CPQ: variants seen among roughly 807,000 people sequenced by gnomAD.
CPQ encodes the protein carboxypeptidase Q.
In CPQ, 37 loss-of-function variants were observed where a neutral mutation model predicts 45.7. That is an observed-to-expected ratio of 0.81 (90% CI 0.62 to 1.07). CPQ has a LOEUF of 1.07. Among genes scored for constraint, CPQ ranks in the 50% least tolerant of loss-of-function variants. CPQ has a pLI of 0.00. For missense variants in CPQ, 537 were observed against 572.9 expected, an observed-to-expected ratio of 0.94 and a Z score of 0.64; for synonymous variants, 186 against 205.8, an observed-to-expected ratio of 0.90 and a Z score of 0.82.
At chr8:97,064,902 G>A (rs1810612521) in intron 6 of CPQ, among the ~76,000 whole-genome samples, 1 of 152,160 alleles carries the variant, frequency 6.6e-6, no homozygotes, top group Non-Finnish European at 1.5e-5. Context: ...CCAGCTGTAT[G>A]ACATTGAGCA....
chr8:97,031,078 G>A (rs538865579), intron 6 of CPQ, among the ~76,000 whole-genome samples: 10 of 152,046 alleles, frequency 6.6e-5, no homozygotes, highest in South Asian at 2.1e-4. Flanking sequence ...ATATTTAGAC[G>A]TGCGGACTTT....
chr8:96,704,106 C>G (rs1809502141), intron 1 of CPQ, among the ~76,000 whole-genome samples: 1 of 152,154 alleles, frequency 6.6e-6, no homozygotes, highest in Non-Finnish European at 1.5e-5. Context: ...GACAAAGCCC[C>G]TACCCTTTGA....
intron 1 of CPQ, among the ~76,000 whole-genome samples, chr8:96,776,890 A>C (rs1335671201): frequency 6.6e-6 from 1 of 152,172 alleles, no homozygotes; most frequent in Non-Finnish European, 1.5e-5. Context: ...TTAAAAAAAT[A>C]GTTGTTTAAC....
chr8:96,826,822 C>T (rs1811385839), intron 2 of CPQ, among the ~76,000 whole-genome samples: 1 of 151,992 alleles, frequency 6.6e-6, no homozygotes, highest in African/African-American at 2.4e-5. Context: ...TTGTTCCCCT[C>T]CCTGTGTCCG....
chr8:96,841,716 G>C (rs1198827316), intron 3 of CPQ, among the ~76,000 whole-genome samples: 1 of 152,178 alleles, frequency 6.6e-6, no homozygotes, highest in South Asian at 2.1e-4. Flanking sequence ...TATTGACAGA[G>C]TATAGTGAAG....
At chr8:96,939,488 A>T (rs551368887) in intron 4 of CPQ, among the ~76,000 whole-genome samples, 36 of 152,222 alleles carry the variant, frequency 2.4e-4, no homozygotes, top group African/African-American at 8.4e-4. Flanking sequence ...ATTCTCTTAT[A>T]CTTTTTAAAA....
chr8:96,888,800 A>C (rs1213661514), intron 4 of CPQ, among the ~76,000 whole-genome samples: 1 of 152,216 alleles, frequency 6.6e-6, no homozygotes, highest in Admixed American at 6.5e-5. Context: ...AGGATGAGGC[A>C]TGAGTTTTGC....
Position 97,084,840 on chromosome 8 carries a change from C to G in CPQ, c.1255+18630C>G, listed in dbSNP as rs545648183. Among the ~76,000 whole-genome samples the G allele has an allele frequency of 1.6e-4, 22 of 138,214 alleles. No homozygotes were observed. The South Asian group carries it at 1.8e-3, about 11-fold the overall frequency. 90.7% of individuals were successfully genotyped at this position (138,214 alleles called of 152,430 possible). A position where few individuals can be genotyped will look rare whatever the true frequency, so the allele number is the denominator to read the frequency against. Reference sequence around the variant, plus strand: ...TGTGTGTGTGTGTGTGTGTGTGTCTCTCTGTGTGTATGTACACCAAAGAAG... The same window carrying G: ...TGTGTGTGTGTGTGTGTGTGTGTCTGTCTGTGTGTATGTACACCAAAGAAG... On this transcript the variant is annotated intron_variant, in intron 7 of 7. Transcript: ENST00000220763.
chr8:97,010,688 C>G (rs1033517767), intron 5 of CPQ, among the ~76,000 whole-genome samples: 1 of 152,116 alleles, frequency 6.6e-6, no homozygotes, highest in Admixed American at 6.6e-5. Context: ...TTTCTGCCCT[C>G]CCTCCAGATC....
At chr8:97,109,171 T>C (rs937505375) in intron 7 of CPQ, among the ~76,000 whole-genome samples, 13 of 152,302 alleles carry the variant, frequency 8.5e-5, no homozygotes, top group Non-Finnish European at 8.8e-5. Context: ...ATCCCATTCC[T>C]GCTTCTAGCC....
chr8:96,733,978 T>C (rs954868153), intron 1 of CPQ, among the ~76,000 whole-genome samples: 2 of 152,206 alleles, frequency 1.3e-5, no homozygotes, highest in East Asian at 3.9e-4. Flanking sequence ...TATGCTTCTC[T>C]GCTAGTGTTC....
chr8:96,935,918 C>A (rs751709175), intron 4 of CPQ, among the ~76,000 whole-genome samples: 6 of 152,142 alleles, frequency 3.9e-5, no homozygotes, highest in Non-Finnish European at 2.9e-5. Context: ...TATCCTCACA[C>A]CTGGGCTTTC....
rs1191998252 is a variant in CPQ, at chr8:96,925,114, A to G, written c.850-40821A>G. Among the ~76,000 whole-genome samples, 4 of 152,246 alleles carry G rather than the reference A, an allele frequency of 2.6e-5. No homozygotes were observed. The East Asian group carries it at 5.8e-4, about 22-fold the overall frequency. On this transcript the variant is annotated intron_variant, in intron 4 of 7. Transcript: ENST00000220763. ...ATTCTCCTTCTTTTGAGGTTCATAT[A>G]TAGATGCTCTATATGTGTTTATCAA... is the stretch of plus-strand genomic sequence containing the variant.
At chr8:97,029,209 C>A (rs1284956343) in intron 5 of CPQ, among the ~76,000 whole-genome samples, 194 bp from the exon 6 acceptor site, 1 of 152,124 alleles carries the variant, frequency 6.6e-6, no homozygotes. Context: ...TCTCCATTAA[C>A]CTGGCCTGGA....
At chr8:96,846,232 G>A (rs774115048) in intron 3 of CPQ, among the ~76,000 whole-genome samples, 1 of 152,186 alleles carries the variant, frequency 6.6e-6, no homozygotes, top group Non-Finnish European at 1.5e-5. Context: ...TGGCAGATAT[G>A]TATTGGTATA....
At chr8:96,963,923 G>A (rs887260990) in intron 4 of CPQ, among the ~76,000 whole-genome samples, 22 of 151,684 alleles carry the variant, frequency 1.5e-4, no homozygotes, top group Admixed American at 1.4e-3. Context: ...GTGTTATTTT[G>A]TATCTGGCTT....
chr8:96,896,693 T>C (rs141210714), intron 4 of CPQ, among the ~76,000 whole-genome samples: 79 of 152,316 alleles, frequency 5.2e-4, no homozygotes, highest in Non-Finnish European at 8.2e-4. Flanking sequence ...AGAACTTCCA[T>C]AGGTCTCTTT....
chr8:97,010,265 A>C (rs1012570851), intron 5 of CPQ, among the ~76,000 whole-genome samples: 1 of 152,162 alleles, frequency 6.6e-6, no homozygotes, highest in Non-Finnish European at 1.5e-5. Context: ...AATGGTCTCA[A>C]CGTAAGGGGG....
intron 1 of CPQ, among the ~76,000 whole-genome samples, chr8:96,773,275 A>G (rs1810569083): frequency 6.6e-6 from 1 of 151,232 alleles, no homozygotes. Flanking sequence ...ATAAACAATT[A>G]GTTGTAGAGA....
Sources: allele counts gnomAD v4.1 joint callset (sites outside exome capture counted in the v4.1 genomes callset), GRCh38; gene constraint gnomAD v4.1.1; transcripts MANE v1.5; gene names NCBI Gene and HGNC (gene_info 2026-07-23, HGNC 2026-07-21).